The following NMD3 variants were observed in gnomAD, a reference collection of about 807,000 sequenced individuals.
NMD3 encodes the protein 60S ribosomal export protein NMD3.
NMD3 carries 47 observed loss-of-function variants against 73.1 expected under a neutral mutation model. The observed-to-expected ratio is 0.64, with a 90% CI of 0.51 to 0.82. The LOEUF is 0.82. Ranked by LOEUF, NMD3 falls within the 40% of genes least tolerant of loss-of-function variation. The probability of loss-of-function intolerance (pLI) is 0.00; values close to 1 mark genes in which losing one functional copy is unlikely to be tolerated. For synonymous variants in NMD3, 210 were observed against 194.5 expected (o/e 1.08, Z -0.66); for missense variants, 554 against 612.5 (o/e 0.90, Z 1.01).
intron 11 of NMD3, among the ~76,000 whole-genome samples, chr3:161,244,930 A>G (rs1003532396): frequency 9.2e-5 from 14 of 152,030 alleles, no homozygotes; most frequent in Non-Finnish European, 1.0e-4. Flanking sequence ...AATTTATTCA[A>G]TGGGAGCCCC....
At position 161,224,997 on chromosome 3, in the gene NMD3, A is replaced by G. The variant is rs1011193704; in HGVS notation, c.112A>G (p.Ser38Gly). 2 of 1,613,908 alleles carry G rather than the reference A, an allele frequency of 1.2e-6. No individual in the cohort carries two copies. Among genetic ancestry groups the G allele is most frequent in the African/African-American group, 2.7e-5 (2 of 74,890 alleles). The change falls in exon 3 of 16, where the codon AGT becomes GGT. Residue 38 changes from serine (S) to glycine (G), a missense_variant. Ser to Gly is a moderately conservative substitution (Grantham distance 56, BLOSUM62 0). Transcript: ENST00000351193. ...PANICVACLR[S>G]KVDISQGIPK... ...CAATATTTGTGTGGCCTGTTTGCGAAGTAAAGTGGACATCAGCCAAGGTAT... is the reference window on the plus strand; with the variant it reads ...CAATATTTGTGTGGCCTGTTTGCGAGGTAAAGTGGACATCAGCCAAGGTAT...
At chr3:161,224,909 T>A (rs199889318) in intron 2 of NMD3, 21 bp from the exon 3 acceptor site, 16 of 1,554,244 alleles carry the variant, frequency 1.0e-5, no homozygotes, top group Admixed American at 2.1e-5. Context: ...ATGTGAAAAA[T>A]TTATCCTTTA....
chr3:161,242,770 C>A, intron 11 of NMD3, 117 bp downstream of exon 11: 2 of 804,876 alleles, frequency 2.5e-6, no homozygotes, highest in South Asian at 3.1e-5. Context: ...AAACTTAGCA[C>A]CACATTAGGA....
intron 5 of NMD3, among the ~76,000 whole-genome samples, chr3:161,234,020 T>C (rs1300473175): frequency 6.6e-6 from 1 of 152,168 alleles, no homozygotes; most frequent in African/African-American, 2.4e-5. Flanking sequence ...AATTTCAGAT[T>C]CTGGGTTTTT....
intron 8 of NMD3, 67 bp downstream of exon 8, chr3:161,238,258 C>A: frequency 2.1e-6 from 2 of 960,936 alleles, no homozygotes; most frequent in Non-Finnish European, 3.2e-6. Context: ...CACATATATT[C>A]TTCAGGCTCA....
Position 161,238,759 on chromosome 3 carries a change from A to G in NMD3, c.686A>G (p.Gln229Arg), listed in dbSNP as rs778501869. The G allele has an allele frequency of 4.4e-6, 7 of 1,576,254 alleles. No homozygotes were observed. In the East Asian group the frequency reaches 9.0e-5, roughly 20 times the overall value. The part of the protein sequence containing the change: ...RYKASQRLIS[Q>R]DIHSNTYNYK... ...AAAGCATCACAAAGACTGATCTCTCAAGATATCCATAGTAACACATACAAT... is the reference window on the plus strand; with the variant it reads ...AAAGCATCACAAAGACTGATCTCTCGAGATATCCATAGTAACACATACAAT... The change falls in exon 9 of 16, where the codon CAA becomes CGA. Residue 229 changes from glutamine to arginine, a missense_variant. Coordinates refer to ENST00000351193, the MANE Select transcript of NMD3 (RefSeq NM_015938.5).
intron 7 of NMD3, among the ~76,000 whole-genome samples, chr3:161,236,243 T>C (rs899427978): frequency 2.6e-5 from 4 of 152,132 alleles, no homozygotes; most frequent in Admixed American, 6.5e-5. Context: ...CCAAGTCATA[T>C]GGTAAATTTA....
intron 7 of NMD3, among the ~76,000 whole-genome samples, chr3:161,236,288 AG>A (rs1271020178): frequency 6.6e-6 from 1 of 152,136 alleles, no homozygotes; most frequent in African/African-American, 2.4e-5. Flanking sequence ...ACTGCTTCAA[AG>A]TGGCTGTACC....
rs150533598 is a variant in NMD3 at position 161,227,266 on chromosome 3, A to G, written c.199A>G (p.Thr67Ala). Residue 67 changes from threonine to alanine, a missense_variant, in exon 4 of 16, where the codon ACT (threonine) becomes GCT (alanine). Coordinates refer to ENST00000351193, the MANE Select transcript of NMD3 (RefSeq NM_015938.5). ...QCQRYFQPPG[T>A]WIQCALESRE... The stretch of plus-strand genomic sequence containing the variant: ...TTTTAGGTATTTTCAACCACCAGGA[A>G]CTTGGATACAGTGTGCTTTAGAATC... 1.2e-6 allele frequency: 2 copies of G among 1,608,632 alleles called. No homozygotes were observed. Among genetic ancestry groups the G allele is most frequent in the Admixed American group, 1.7e-5 (1 of 59,158 alleles).
intron 4 of NMD3, 42 bp from the exon 5 acceptor site, chr3:161,233,357 A>T: frequency 7.2e-7 from 1 of 1,389,058 alleles, no homozygotes; most frequent in Non-Finnish European, 1.0e-6. Context: ...TTTTCCTCCT[A>T]GGTGAGAACT....
chr3:161,249,656 TC>T (rs1162459914), intron 14 of NMD3, 96 bp downstream of exon 14: 19 of 761,018 alleles, frequency 2.5e-5, no homozygotes, highest in Non-Finnish European at 3.9e-5. Context: ...ACACAATTGA[TC>T]CTTGCACTCA....
intron 8 of NMD3, among the ~76,000 whole-genome samples, 167 bp downstream of exon 8, chr3:161,238,358 A>G (rs1261727646): frequency 6.6e-6 from 1 of 152,252 alleles, no homozygotes; most frequent in African/African-American, 2.4e-5. Flanking sequence ...CAGAGGTGGT[A>G]GGACTTGTGC....
At chr3:161,249,010 T>C (rs1737364941) in intron 13 of NMD3, among the ~76,000 whole-genome samples, 1 of 152,220 alleles carries the variant, frequency 6.6e-6, no homozygotes, top group African/African-American at 2.4e-5. Context: ...TTATTTTCAT[T>C]CTATAATTTA....
In NMD3 at chr3:161,233,497, T is replaced by C. The variant is rs1269245479; in HGVS notation, c.357+18T>C. ...AGAAAGAGGTAAGCAGTACATAATT[T>C]TCTCAGCATGGTTAAAGTGCAGGTA... On this transcript the variant is annotated intron_variant, in intron 5 of 15. Coordinates refer to ENST00000351193, the MANE Select transcript of NMD3 (RefSeq NM_015938.5). 8.0e-6 allele frequency: 12 copies of C among 1,496,662 alleles called. No homozygotes were observed. The highest frequency in any genetic ancestry group is 1.2e-5 in the South Asian group (1 of 84,034). 92.7% of individuals were successfully genotyped at this position (1,496,662 alleles called of 1,614,324 possible).
chr3:161,250,026 G>A (rs1316927928), intron 14 of NMD3, among the ~76,000 whole-genome samples: 3 of 152,152 alleles, frequency 2.0e-5, no homozygotes, highest in Non-Finnish European at 2.9e-5. Context: ...AATAATTTAA[G>A]CAGAAATGAA....
rs760339228 is a variant in NMD3 at position 161,222,067 on chromosome 3, A to G, written c.44+10A>G. The G allele has an allele frequency of 1.9e-6, 3 of 1,604,684 alleles. No homozygotes were observed. In the East Asian group the frequency reaches 6.7e-5, roughly 36 times the overall value. ...GCAGCCCTGGACACATGTGAGTGCG[A>G]CACTTCTTCCTTCCCCCTTAAATGT... On this transcript the variant is annotated intron_variant, in intron 2 of 15. Coordinates refer to ENST00000351193, the MANE Select transcript of NMD3 (RefSeq NM_015938.5).
intron 15 of NMD3, 22 bp from the exon 16 acceptor site, chr3:161,250,758 T>C (rs1737452476): frequency 6.6e-7 from 1 of 1,521,276 alleles, no homozygotes; most frequent in African/African-American, 1.4e-5. Context: ...GTATTTATTT[T>C]ATTCTCTTTG....
intron 15 of NMD3, 148 bp downstream of exon 15, chr3:161,250,474 G>A (rs1004674259): frequency 5.2e-6 from 3 of 581,984 alleles, no homozygotes; most frequent in Non-Finnish European, 9.0e-6. Flanking sequence ...AAAAAAACTT[G>A]CAAAACAATA....
At chr3:161,238,395 T>G (rs907493827) in intron 8 of NMD3, among the ~76,000 whole-genome samples, 9 of 152,216 alleles carry the variant, frequency 5.9e-5, no homozygotes, top group Non-Finnish European at 1.0e-4. Context: ...TTTTCATAGC[T>G]GGAGTTTATA....
Sources: gnomAD v4.1 joint callset for allele counts (sites outside exome capture counted in the v4.1 genomes callset) on GRCh38, gnomAD v4.1.1 for gene constraint, MANE v1.5 for transcripts, NCBI Gene and HGNC (gene_info 2026-07-23, HGNC 2026-07-21) for gene names.